The following HEATR5B variants were observed in gnomAD, a reference collection of about 807,000 sequenced individuals.
HEATR5B encodes HEAT repeat-containing protein 5B.
Under a neutral mutation model 224.1 loss-of-function variants are expected in HEATR5B, and 156 were observed. That is an observed-to-expected ratio of 0.70 (90% CI 0.61 to 0.80). The LOEUF (loss-of-function observed/expected upper bound fraction) is 0.80. HEATR5B is among the 30% of genes least tolerant of loss of function. The pLI, the probability that HEATR5B is intolerant of heterozygous loss-of-function variation, is 0.00. For synonymous variants in HEATR5B, 1,027 were observed against 893.0 expected, an observed-to-expected ratio of 1.15 and a Z score of -2.68; for missense variants, 2,323 against 2,535.5, an observed-to-expected ratio of 0.92 and a Z score of 1.80.
At position 37,064,737 on chromosome 2, in the gene HEATR5B, T is replaced by C; in HGVS notation, c.1584+3A>G. On this transcript the variant is annotated splice_donor_region_variant and intron_variant, in intron 10 of 35. Transcript: ENST00000233099. ...ATTCCCAAGTCTAGGATCTCCGTCA[T>C]ACCTTTCCTTTGGCATGAGGAATGC... 1.2e-6 allele frequency: 2 copies of C among 1,613,934 alleles called. No homozygotes were observed. The highest frequency in any genetic ancestry group is 1.7e-6 in the Non-Finnish European group (2 of 1,179,914).
At chr2:37,056,723 A>C in intron 15 of HEATR5B, 108 bp from the exon 16 acceptor site, 1 of 886,352 alleles carries the variant, frequency 1.1e-6, no homozygotes, top group Non-Finnish European at 1.6e-6. Context: ...AAGGCAACAA[A>C]AAAAGAATGA....
chr2:36,990,920 G>A (rs181430907), intron 33 of HEATR5B, 121 bp from the exon 34 acceptor site: 381 of 748,086 alleles, frequency 5.1e-4, no homozygotes, highest in East Asian at 1.3e-3. Flanking sequence ...GAACTCCTGA[G>A]CTCAAGTGAT....
At chr2:37,059,406 A>ATGTATG (rs1553320979) in intron 12 of HEATR5B, among the ~76,000 whole-genome samples, 4 of 100,236 alleles carry the variant, frequency 4.0e-5, no homozygotes, top group African/African-American at 1.6e-4. Flanking sequence ...ATATATGTAT[A>ATGTATG]TGTGTGTGTG....
In HEATR5B at chr2:37,056,440, C is replaced by T. The variant is rs772622244; in HGVS notation, c.2399G>A (p.Arg800Gln). The T allele has an allele frequency of 2.5e-6, 4 of 1,588,748 alleles. No homozygotes were observed. Among genetic ancestry groups the T allele is most frequent in the East Asian group, 2.2e-5 (1 of 44,478 alleles). The change falls in exon 16 of 36, where the codon CGA becomes CAA. Residue 800 changes from arginine to glutamine, a missense_variant and splice_region_variant. Physicochemically the swap from Arg to Gln is conservative, Grantham distance 43. Transcript: ENST00000233099. ...ATTACCTGATTGACTTTATACTAAC[C>T]GGTGTTTATAAGAAACATGAGGAAA... ...VVFPHVSYKH[R>Q]LQMLDHFAEC...
intron 2 of HEATR5B, among the ~76,000 whole-genome samples, chr2:37,081,118 T>C (rs970720640): frequency 3.3e-5 from 5 of 152,314 alleles, no homozygotes; most frequent in African/African-American, 9.6e-5. Flanking sequence ...TCATCAGTAA[T>C]GGCTGGACAA....
chr2:37,028,061 G>A lies in HEATR5B; in HGVS notation c.3715C>T (p.Pro1239Ser). ...GTGGCCCAGCGAGGGGCCACAAAGG[G>A]CTTTGATTTATCTTCTTCACCTAAC... is the stretch of plus-strand genomic sequence containing the variant. ...TTLGEEDKSKPFVAPRWATRV... is the reference protein window; with the variant it reads ...TTLGEEDKSKSFVAPRWATRV... Residue 1239 changes from proline to serine, a missense_variant, in exon 24 of 36, where the codon CCC becomes TCC. Pro to Ser is a moderately conservative substitution (Grantham distance 74). Transcript: ENST00000233099. The A allele has an allele frequency of 1.2e-6, 2 of 1,614,066 alleles. No homozygotes were observed. Among genetic ancestry groups the A allele is most frequent in the Non-Finnish European group, 1.7e-6 (2 of 1,179,954 alleles).
intron 20 of HEATR5B, among the ~76,000 whole-genome samples, chr2:37,039,185 G>A (rs1020687052): frequency 2.0e-5 from 3 of 149,912 alleles, no homozygotes; most frequent in Non-Finnish European, 4.4e-5. Flanking sequence ...AAAAAAAAAA[G>A]GCCGGGTGTG....
At chr2:37,051,765 A>T (rs1328747638) in intron 17 of HEATR5B, among the ~76,000 whole-genome samples, 1 of 151,836 alleles carries the variant, frequency 6.6e-6, no homozygotes, top group Non-Finnish European at 1.5e-5. Flanking sequence ...TCTGAGACAG[A>T]GTCTTGCTCT....
Position 36,981,366 on chromosome 2 carries a change from T to C in HEATR5B, c.*124A>G. The C allele has an allele frequency of 3.2e-6, 2 of 631,014 alleles. No individual in the cohort carries two copies. Among genetic ancestry groups the C allele is most frequent in the Non-Finnish European group, 5.1e-6 (2 of 391,830 alleles). 39.1% of individuals were successfully genotyped at this position (631,014 alleles called of 1,614,324 possible). A position where few individuals can be genotyped will look rare whatever the true frequency, so the allele number is the denominator to read the frequency against. Reference sequence around the variant, plus strand: ...GTGAGCATTATTTCACTTAACCTACTTGGAAGCACTATAATACCAATATAC... The same window carrying C: ...GTGAGCATTATTTCACTTAACCTACCTGGAAGCACTATAATACCAATATAC... On this transcript the variant is annotated 3_prime_UTR_variant, in exon 36 of 36. Transcript: ENST00000233099.
chr2:37,006,359 A>C (rs1413907382), intron 29 of HEATR5B, among the ~76,000 whole-genome samples: 1 of 152,202 alleles, frequency 6.6e-6, no homozygotes, highest in East Asian at 1.9e-4. Flanking sequence ...TTAAAAAAGC[A>C]TCTATAGCTG....
At position 37,062,054 on chromosome 2, in the gene HEATR5B, C is replaced by T; in HGVS notation, c.1585-4G>A. ...CTTCAGCAATACTAACTACCATCTG[C>T]AAGAAAAGTTTAGAATTGGATTTTA... On this transcript the variant is annotated splice_region_variant and splice_polypyrimidine_tract_variant and intron_variant, in intron 10 of 35. Transcript: ENST00000233099. 1.3e-6 allele frequency: 2 copies of T among 1,545,956 alleles called. No homozygotes were observed. The highest frequency in any genetic ancestry group is 1.1e-5 in the South Asian group (1 of 89,436).
At chr2:37,074,003 T>C (rs554418209) in intron 5 of HEATR5B, among the ~76,000 whole-genome samples, 30 of 152,236 alleles carry the variant, frequency 2.0e-4, no homozygotes, top group African/African-American at 6.7e-4. Flanking sequence ...CGGAGTTTAG[T>C]GAAGAAAAGA....
chr2:36,998,052 T>A (rs2691103), intron 33 of HEATR5B, among the ~76,000 whole-genome samples: 10,719 of 152,304 alleles, frequency 0.07, 1,284 homozygotes, highest in African/African-American at 0.24. Context: ...ATATATTACA[T>A]TCTCACATGG....
Position 37,004,639 on chromosome 2 carries a change from C to T in HEATR5B, c.4906-953G>A, listed in dbSNP as rs527420813. Among the ~76,000 whole-genome samples, 35 of 152,120 alleles carry T rather than the reference C, an allele frequency of 2.3e-4. No homozygotes were observed. In the South Asian group the frequency reaches 5.2e-3, roughly 23 times the overall value. Reference sequence around the variant, plus strand: ...GGTCACCAATAGCCTCCTCTAGACTCATTTCTGTGCTTATTTACTCGATTC... The same window carrying T: ...GGTCACCAATAGCCTCCTCTAGACTTATTTCTGTGCTTATTTACTCGATTC... On this transcript the variant is annotated intron_variant, in intron 30 of 35. Transcript: ENST00000233099.
At chr2:37,028,459 C>T (rs1435423453) in intron 23 of HEATR5B, among the ~76,000 whole-genome samples, 3 of 151,794 alleles carry the variant, frequency 2.0e-5, no homozygotes, top group African/African-American at 7.3e-5. Flanking sequence ...GTTTGAACTT[C>T]CAAAAAATTT....
At chr2:37,040,249 G>C in intron 20 of HEATR5B, 80 bp downstream of exon 20, 1 of 1,143,872 alleles carries the variant, frequency 8.7e-7, no homozygotes, top group Non-Finnish European at 1.3e-6. Flanking sequence ...ATTTCTTCAA[G>C]TAATGTGATG....
At position 37,040,324 on chromosome 2, in the gene HEATR5B, C is replaced by T; in HGVS notation, c.3046+5G>A. The T allele has an allele frequency of 1.9e-6, 3 of 1,606,638 alleles. No individual in the cohort carries two copies. Among genetic ancestry groups the T allele is most frequent in the Non-Finnish European group, 2.6e-6 (3 of 1,175,842 alleles). On this transcript the variant is annotated splice_donor_5th_base_variant and intron_variant, in intron 20 of 35. Transcript: ENST00000233099. ...AGGTTCCTTAATTTCAGATGATTTA[C>T]TTACCTTGTAGTTCAGGGCCAACAG...
chr2:37,077,647 A>C (rs980177942), intron 3 of HEATR5B, among the ~76,000 whole-genome samples: 1 of 152,252 alleles, frequency 6.6e-6, no homozygotes, highest in Non-Finnish European at 1.5e-5. Context: ...AAATTATGTC[A>C]AGCCTCAACA....
rs1667164078 is a variant in HEATR5B at position 37,002,590 on chromosome 2, T to C, written c.5051-18A>G. 6.3e-7 allele frequency: 1 copy of C among 1,599,998 alleles called. No homozygotes were observed. The highest frequency in any genetic ancestry group is 1.3e-5 in the African/African-American group (1 of 74,382). On this transcript the variant is annotated intron_variant, in intron 31 of 35. Transcript: ENST00000233099. ...ATCTTCATCTGAGGTAAAAGATAAT[T>C]TGGTGAAATTTCCAGCCAAAAAAAA...
Sources: gnomAD v4.1 joint callset for allele counts (sites outside exome capture counted in the v4.1 genomes callset) on GRCh38, gnomAD v4.1.1 for gene constraint, MANE v1.5 for transcripts, NCBI Gene and HGNC (gene_info 2026-07-23, HGNC 2026-07-21) for gene names.